The following ASCC1 variants were observed in gnomAD, a reference collection of about 807,000 sequenced individuals.
ASCC1 encodes the protein activating signal cointegrator 1 complex subunit 1.
In ASCC1, 35 loss-of-function variants were observed where a neutral mutation model predicts 46.6. The observed-to-expected ratio is 0.75, with a 90% CI of 0.57 to 0.99. ASCC1 has a LOEUF of 0.99. Ranked by LOEUF, ASCC1 falls within the 50% of genes least tolerant of loss-of-function variation. ASCC1 has a pLI of 0.00. For synonymous variants in ASCC1, 143 were observed against 146.6 expected (o/e 0.98, Z 0.18); for missense variants, 376 against 428.7 (o/e 0.88, Z 1.09).
At chr10:72,210,644 T>C in intron 3 of ASCC1, 88 bp downstream of exon 3, 2 of 993,078 alleles carry the variant, frequency 2.0e-6, no homozygotes, top group Non-Finnish European at 3.2e-6. Flanking sequence ...AATCAAGCAC[T>C]GCAATAAGTA....
chr10:72,172,852 ATT>A (rs1255084171), intron 5 of ASCC1, among the ~76,000 whole-genome samples: 1 of 121,290 alleles, frequency 8.2e-6, no homozygotes, highest in Non-Finnish European at 1.7e-5. Flanking sequence ...TATATATAAT[ATT>A]TTTATATTAT....
chr10:72,156,004 T>C (rs535231011), intron 6 of ASCC1, among the ~76,000 whole-genome samples: 6 of 152,364 alleles, frequency 3.9e-5, no homozygotes, highest in Admixed American at 3.3e-4. Flanking sequence ...CACAGGCTGA[T>C]ATATTAAATA....
intron 6 of ASCC1, among the ~76,000 whole-genome samples, chr10:72,160,345 A>G (rs1479259175): frequency 6.6e-6 from 1 of 152,208 alleles, no homozygotes; most frequent in Non-Finnish European, 1.5e-5. Flanking sequence ...TAAAAAAACT[A>G]TTTGAGTGAA....
At chr10:72,172,849 A>T (rs1159497479) in intron 5 of ASCC1, among the ~76,000 whole-genome samples, 21 of 127,910 alleles carry the variant, frequency 1.6e-4, no homozygotes, top group Admixed American at 2.7e-4. Flanking sequence ...TATTATATAT[A>T]ATATTTTTAT....
Position 72,193,372 on chromosome 10 carries a change from G to A in ASCC1, c.489+3439C>T, listed in dbSNP as rs1414367231. 2.0e-5 allele frequency among the ~76,000 whole-genome samples: 3 copies of A among 152,052 alleles called. No individual in the cohort carries two copies. In the East Asian group the frequency reaches 5.8e-4, roughly 29 times the overall value. On this transcript the variant is annotated intron_variant, in intron 5 of 9. Coordinates refer to ENST00000672957, the MANE Select transcript of ASCC1 (RefSeq NM_001198800.3). ...CTCAAAAGCACTATGTTGAGTGAAA[G>A]AAGCCAGTTACCTACTGTATGATTC...
intron 7 of ASCC1, among the ~76,000 whole-genome samples, chr10:72,139,884 T>C (rs950522229): frequency 4.6e-5 from 7 of 152,116 alleles, no homozygotes; most frequent in Admixed American, 6.5e-5. Flanking sequence ...TTGTTATTAA[T>C]AGATCTACAA....
chr10:72,172,464 A>G (rs1851237287), intron 5 of ASCC1, among the ~76,000 whole-genome samples: 1 of 149,588 alleles, frequency 6.7e-6, no homozygotes, highest in Non-Finnish European at 1.5e-5. Context: ...ATAAAAGAGG[A>G]AACAGTTTGT....
intron 1 of ASCC1, 151 bp from the exon 2 acceptor site, chr10:72,213,482 G>C (rs1441230925): frequency 5.3e-6 from 3 of 570,728 alleles, no homozygotes; most frequent in Non-Finnish European, 9.8e-6. Context: ...TTTCCCATCT[G>C]TAAACCAGTT....
At chr10:72,189,749 C>A (rs1190629195) in intron 5 of ASCC1, among the ~76,000 whole-genome samples, 1 of 146,028 alleles carries the variant, frequency 6.8e-6, no homozygotes, top group Non-Finnish European at 1.5e-5. Flanking sequence ...TTGCAGTGAG[C>A]CGAGATCGCA....
chr10:72,142,201 A>T (rs1847100736), intron 7 of ASCC1, among the ~76,000 whole-genome samples: 1 of 152,102 alleles, frequency 6.6e-6, no homozygotes, highest in African/African-American at 2.4e-5. Context: ...CCATGCACTT[A>T]GCTATTATTT....
At chr10:72,143,033 C>T (rs965147287) in intron 7 of ASCC1, among the ~76,000 whole-genome samples, 1 of 151,642 alleles carries the variant, frequency 6.6e-6, no homozygotes, top group Admixed American at 6.6e-5. Flanking sequence ...TGGTAGTGGG[C>T]GCCTGTAGTC....
At chr10:72,212,972 A>G (rs1858387144) in intron 2 of ASCC1, among the ~76,000 whole-genome samples, 1 of 152,162 alleles carries the variant, frequency 6.6e-6, no homozygotes, top group Non-Finnish European at 1.5e-5. Context: ...CCTCTGTACA[A>G]AGAAGAAACA....
chr10:72,102,708 C>T (rs1841915831), intron 9 of ASCC1: 1 of 363,108 alleles, frequency 2.8e-6, no homozygotes, highest in Non-Finnish European at 5.3e-6. Flanking sequence ...GATGTGGTGG[C>T]TCACACCTGT....
At chr10:72,173,487 A>C (rs988766208) in intron 5 of ASCC1, among the ~76,000 whole-genome samples, 1 of 152,180 alleles carries the variant, frequency 6.6e-6, no homozygotes, top group Non-Finnish European at 1.5e-5. Flanking sequence ...CCTAAGGGTC[A>C]CACGATCGAA....
chr10:72,178,293 T>C (rs1852115073), intron 5 of ASCC1, among the ~76,000 whole-genome samples: 1 of 152,090 alleles, frequency 6.6e-6, no homozygotes, highest in South Asian at 2.1e-4. Context: ...ATAATCCAGG[T>C]TGTAGGTGGA....
At chr10:72,197,671 T>C (rs1193652357) in intron 4 of ASCC1, among the ~76,000 whole-genome samples, 1 of 151,778 alleles carries the variant, frequency 6.6e-6, no homozygotes, top group Non-Finnish European at 1.5e-5. Flanking sequence ...TTTGGGAGGC[T>C]GAGGTGGGCA....
At chr10:72,129,318 T>C (rs547922271) in intron 8 of ASCC1, among the ~76,000 whole-genome samples, 90 of 152,278 alleles carry the variant, frequency 5.9e-4, no homozygotes, top group African/African-American at 1.9e-3. Flanking sequence ...TGTCCACCAA[T>C]TGATGAAAGG....
chr10:72,154,423 A>G (rs1848710796), intron 6 of ASCC1, among the ~76,000 whole-genome samples: 1 of 152,058 alleles, frequency 6.6e-6, no homozygotes, highest in African/African-American at 2.4e-5. Flanking sequence ...AAACAACCAG[A>G]CAATATGTGC....
chr10:72,133,294 C>A, intron 7 of ASCC1, 113 bp from the exon 8 acceptor site: 1 of 1,068,136 alleles, frequency 9.4e-7, no homozygotes, highest in Non-Finnish European at 1.4e-6. Flanking sequence ...CCATACAAAG[C>A]CCTGCATCAC....
Sources: gnomAD v4.1 joint callset for allele counts (sites outside exome capture counted in the v4.1 genomes callset) on GRCh38, gnomAD v4.1.1 for gene constraint, MANE v1.5 for transcripts, NCBI Gene and HGNC (gene_info 2026-07-23, HGNC 2026-07-21) for gene names.